Variants in FAM162A observed in about 807,000 individuals in gnomAD.
FAM162A encodes the protein protein FAM162A.
FAM162A carries 23 observed loss-of-function variants against 21.8 expected under a neutral mutation model. The observed-to-expected ratio is 1.05, with a 90% CI of 0.76 to 1.49. The LOEUF (loss-of-function observed/expected upper bound fraction) is 1.49, where lower values mean the gene tolerates loss of function less well. Ranked by LOEUF, FAM162A falls within the 40% of genes most tolerant of loss-of-function variation. The pLI, the probability that FAM162A is intolerant of heterozygous loss-of-function variation, is 0.00. For synonymous variants in FAM162A, 53 were observed against 61.3 expected (o/e 0.86, Z 0.64); for missense variants, 165 against 186.4 (o/e 0.89, Z 0.67).
chr3:122,387,651 C>G (rs1420294453), intron 1 of FAM162A, among the ~76,000 whole-genome samples: 5 of 152,190 alleles, frequency 3.3e-5, no homozygotes, highest in African/African-American at 1.2e-4. Context: ...TAACTACCCC[C>G]ACATTTGGCT....
intron 4 of FAM162A, chr3:122,407,638 A>T: frequency 2.0e-6 from 1 of 494,146 alleles, no homozygotes; most frequent in East Asian, 3.0e-5. Flanking sequence ...ATGTAAATTT[A>T]AAAAGTGTTT....
chr3:122,402,596 G>T (rs1203888786), intron 1 of FAM162A, among the ~76,000 whole-genome samples, 164 bp from the exon 2 acceptor site: 1 of 152,056 alleles, frequency 6.6e-6, no homozygotes, highest in African/African-American at 2.4e-5. Flanking sequence ...ACAGCATCAA[G>T]CATAGCACTT....
intron 1 of FAM162A, among the ~76,000 whole-genome samples, chr3:122,397,848 A>G (rs1382716060): frequency 6.6e-6 from 1 of 152,264 alleles, no homozygotes; most frequent in Non-Finnish European, 1.5e-5. Context: ...ACAAACTGAA[A>G]AAAAATGAGC....
chr3:122,390,082 C>T (rs901800403), intron 1 of FAM162A, among the ~76,000 whole-genome samples: 1 of 151,944 alleles, frequency 6.6e-6, no homozygotes, highest in Non-Finnish European at 1.5e-5. Context: ...TTACAGTGAG[C>T]TATGATCTCT....
At position 122,410,571 on chromosome 3, in the gene FAM162A, T is replaced by C. The variant is rs2075700351; in HGVS notation, c.*740T>C. ...ATTTGCACCTCATATATATCTCATT[T>C]ACAGTTTGACCTTGGGATATCGAGT... On this transcript the variant is annotated 3_prime_UTR_variant, in exon 5 of 5. Transcript: ENST00000477892. 1 of 152,306 alleles carries C rather than the reference T, an allele frequency of 6.6e-6. No individual in the cohort carries two copies. Among genetic ancestry groups the C allele is most frequent in the Non-Finnish European group, 1.5e-5 (1 of 68,082 alleles). The allele number at this position is 152,306 out of a possible 1,614,324, so 9.4% of individuals were successfully genotyped here.
chr3:122,400,377 G>A (rs1560001128), intron 1 of FAM162A, among the ~76,000 whole-genome samples: 2 of 152,110 alleles, frequency 1.3e-5, no homozygotes, highest in African/African-American at 4.8e-5. Context: ...GTCAGGGGGT[G>A]GGGGTTTAGG....
At chr3:122,401,373 C>T in intron 1 of FAM162A, 2 of 1,010,058 alleles carry the variant, frequency 2.0e-6, no homozygotes, top group Non-Finnish European at 2.4e-6. Flanking sequence ...CCTTTTCTTT[C>T]AGGTTGGTTC....
rs2075698950 is a variant in FAM162A at position 122,410,303 on chromosome 3, C to T, written c.*472C>T. The T allele has an allele frequency of 1.1e-5, 2 of 187,186 alleles. No individual in the cohort carries two copies. The highest frequency in any genetic ancestry group is 1.1e-5 in the Non-Finnish European group (1 of 88,812). 11.6% of individuals were successfully genotyped at this position (187,186 alleles called of 1,614,324 possible). ...CGCTGAGAAGCAGCCAGACCACATT[C>T]TATAATCTTTGAACATGCTGGCAGA... is the stretch of plus-strand genomic sequence containing the variant. On this transcript the variant is annotated 3_prime_UTR_variant, in exon 5 of 5. Transcript: ENST00000477892.
At chr3:122,405,736 G>A (rs946287972) in intron 3 of FAM162A, among the ~76,000 whole-genome samples, 5 of 152,188 alleles carry the variant, frequency 3.3e-5, no homozygotes, top group Admixed American at 3.3e-4. Flanking sequence ...TGTGCTGGTA[G>A]TTCTGAACAG....
At chr3:122,407,861 A>G (rs2075684036) in intron 4 of FAM162A, 1 of 165,046 alleles carries the variant, frequency 6.1e-6, no homozygotes, top group South Asian at 1.9e-4. Context: ...AGCAGTACAT[A>G]GGAATACAAG....
At chr3:122,391,023 G>A (rs2075602051) in intron 1 of FAM162A, among the ~76,000 whole-genome samples, 1 of 152,122 alleles carries the variant, frequency 6.6e-6, no homozygotes, top group Non-Finnish European at 1.5e-5. Context: ...AAAATTTCTG[G>A]CTTGGACGTC....
At chr3:122,391,805 C>G (rs577435115) in intron 1 of FAM162A, among the ~76,000 whole-genome samples, 66 of 152,172 alleles carry the variant, frequency 4.3e-4, no homozygotes, top group Non-Finnish European at 8.1e-4. Flanking sequence ...CATAGCTAGC[C>G]CTTGCTTCCC....
chr3:122,395,522 G>A lies in FAM162A; in HGVS notation c.35-7238G>A, dbSNP rs151335216. Among the ~76,000 whole-genome samples, 418 of 152,216 alleles carry A rather than the reference G, an allele frequency of 2.7e-3. 2 individuals carry two copies. Among genetic ancestry groups the A allele is most frequent in the African/African-American group, 9.7e-3 (404 of 41,550 alleles). On this transcript the variant is annotated intron_variant, in intron 1 of 4. Coordinates refer to ENST00000477892, the MANE Select transcript of FAM162A (RefSeq NM_014367.4). ...CTCTGGAAATTGCAAAAACACTACT[G>A]AAAGAAATTAAAGAAGACCCAAATA... is the stretch of plus-strand genomic sequence containing the variant.
At chr3:122,384,782 A>C (rs925728222) in intron 1 of FAM162A, among the ~76,000 whole-genome samples, 8 of 152,214 alleles carry the variant, frequency 5.3e-5, no homozygotes, top group Non-Finnish European at 8.8e-5. Context: ...GATTAGGCCA[A>C]GGATTTAGGT....
Position 122,412,286 on chromosome 3 carries a change from C to G in FAM162A, c.*2455C>G, listed in dbSNP as rs1398616312. 6.6e-6 allele frequency: 1 copy of G among 152,170 alleles called. No individual in the cohort carries two copies. Among genetic ancestry groups the G allele is most frequent in the Non-Finnish European group, 1.5e-5 (1 of 68,030 alleles). 9.4% of individuals were successfully genotyped at this position (152,170 alleles called of 1,614,324 possible). A position where few individuals can be genotyped will look rare whatever the true frequency, so the allele number is the denominator to read the frequency against. ...TGGGCAGAAATCTTTTTCTACTTTA[C>G]ATTTCCTGTAAGTGCTGTTTGTTTG... On this transcript the variant is annotated 3_prime_UTR_variant, in exon 5 of 5. Coordinates refer to ENST00000477892, the MANE Select transcript of FAM162A (RefSeq NM_014367.4).
intron 1 of FAM162A, chr3:122,401,343 G>T (rs2107699504): frequency 4.0e-6 from 4 of 988,750 alleles, no homozygotes; most frequent in Non-Finnish European, 4.8e-6. Flanking sequence ...TTGCCAACAT[G>T]ATTATATAGA....
rs766171515 is a variant in FAM162A at position 122,384,246 on chromosome 3, C to T, written c.-20C>T. ...GTCCCCGGCGAAGTTCTGCGCTGGT[C>T]GGCGGAGTAGCAAGTGGCCATGGGG... On this transcript the variant is annotated 5_prime_UTR_variant, in exon 1 of 5. Coordinates refer to ENST00000477892, the MANE Select transcript of FAM162A (RefSeq NM_014367.4). The T allele has an allele frequency of 2.6e-5, 41 of 1,567,130 alleles. No homozygotes were observed. The East Asian group carries it at 9.7e-4, about 37-fold the overall frequency.
chr3:122,407,752 C>G (rs1026582577), intron 4 of FAM162A: 1 of 297,144 alleles, frequency 3.4e-6, no homozygotes, highest in African/African-American at 2.1e-5. Context: ...TGTATTTACC[C>G]TCACCATAAC....
At position 122,407,402 on chromosome 3, in the gene FAM162A, T is replaced by A; in HGVS notation, c.372+13T>A. The A allele has an allele frequency of 6.3e-7, 1 of 1,576,422 alleles. No homozygotes were observed. Among genetic ancestry groups the A allele is most frequent in the Non-Finnish European group, 8.7e-7 (1 of 1,145,672 alleles). On this transcript the variant is annotated intron_variant, in intron 4 of 4. Transcript: ENST00000477892. The stretch of plus-strand genomic sequence containing the variant: ...TGAGGGCAAGAAGGTGAGAAGGGGT[T>A]TCTTCTCTATCCAGTATGTATGTTC...
Sources: gnomAD v4.1 joint callset for allele counts (sites outside exome capture counted in the v4.1 genomes callset) on GRCh38, gnomAD v4.1.1 for gene constraint, MANE v1.5 for transcripts, NCBI Gene and HGNC (gene_info 2026-07-23, HGNC 2026-07-21) for gene names.